Variants in CNTN1 observed in about 807,000 individuals in gnomAD.
CNTN1 encodes the protein contactin 1.
In CNTN1, 38 loss-of-function variants were observed where a neutral mutation model predicts 126.4. The ratio of observed to expected loss-of-function variants is 0.30; its 90% CI spans 0.23 to 0.39. The LOEUF (loss-of-function observed/expected upper bound fraction) is 0.39, where lower values mean the gene tolerates loss of function less well. Among genes scored for constraint, CNTN1 ranks in the 10% least tolerant of loss-of-function variants. The pLI, the probability that CNTN1 is intolerant of heterozygous loss-of-function variation, is 1.00. For missense variants in CNTN1, 1,009 were observed against 1,248.4 expected (o/e 0.81, Z 2.89); for synonymous variants, 413 against 422.6 (o/e 0.98, Z 0.28).
At chr12:40,908,633 G>GT in intron 2 of CNTN1, 140 bp downstream of exon 2, 1 of 587,144 alleles carries the variant, frequency 1.7e-6, no homozygotes, top group African/African-American at 1.9e-5. Flanking sequence ...TGTATCAAGG[G>GT]TGACCCTATT....
At chr12:41,036,316 G>T (rs1397801410) in intron 23 of CNTN1, among the ~76,000 whole-genome samples, 3 of 152,056 alleles carry the variant, frequency 2.0e-5, no homozygotes, top group African/African-American at 7.2e-5. Flanking sequence ...GATGCAGGAG[G>T]GCATTGAGAG....
At position 40,771,925 on chromosome 12, in the gene CNTN1, T is replaced by C. The variant is rs545068925; in HGVS notation, c.-77+79333T>C. 1.6e-4 allele frequency among the ~76,000 whole-genome samples: 25 copies of C among 152,128 alleles called. No homozygotes were observed. In the South Asian group the frequency reaches 5.0e-3, roughly 30 times the overall value. ...CGAGGGAAATACACACATAGCAATT[T>C]GGACAGAACACATGGCAAGTGGCAG... On this transcript the variant is annotated intron_variant, in intron 1 of 23. Transcript: ENST00000551295.
intron 1 of CNTN1, among the ~76,000 whole-genome samples, chr12:40,884,582 T>C (rs1207091301): frequency 1.3e-5 from 2 of 151,474 alleles, no homozygotes. Flanking sequence ...TATAGGAAAA[T>C]ATTAATCATT....
chr12:40,782,846 T>C (rs1018138838), intron 1 of CNTN1, among the ~76,000 whole-genome samples: 1 of 151,912 alleles, frequency 6.6e-6, no homozygotes, highest in Non-Finnish European at 1.5e-5. Context: ...TGACGAATTG[T>C]CTAGTTTTTC....
At chr12:41,057,472 A>C (rs1949851800) in intron 23 of CNTN1, among the ~76,000 whole-genome samples, 1 of 151,886 alleles carries the variant, frequency 6.6e-6, no homozygotes, top group African/African-American at 2.4e-5. Flanking sequence ...GCTCGGTGAA[A>C]TATTTTTGAT....
intron 1 of CNTN1, among the ~76,000 whole-genome samples, chr12:40,732,826 CT>C (rs537843181): frequency 6.6e-5 from 10 of 152,038 alleles, no homozygotes; most frequent in Non-Finnish European, 1.5e-4. Context: ...CAGTAGCATT[CT>C]TTGACATTTT....
chr12:40,823,294 G>T (rs570415185), intron 1 of CNTN1, among the ~76,000 whole-genome samples: 5 of 152,192 alleles, frequency 3.3e-5, no homozygotes, highest in South Asian at 2.1e-4. Context: ...TGTTATGTCT[G>T]TGGTTCTCAG....
chr12:40,984,163 T>C (rs1947895047), intron 16 of CNTN1, among the ~76,000 whole-genome samples: 1 of 151,544 alleles, frequency 6.6e-6, no homozygotes, highest in African/African-American at 2.4e-5. Flanking sequence ...AATAATCTTA[T>C]ATTAATATTA....
chr12:40,781,758 G>A (rs915619748), intron 1 of CNTN1, among the ~76,000 whole-genome samples: 1 of 151,942 alleles, frequency 6.6e-6, no homozygotes, highest in Non-Finnish European at 1.5e-5. Context: ...AATTGTTTCT[G>A]TGTGTACACT....
chr12:40,709,791 A>C (rs1358331005), intron 1 of CNTN1, among the ~76,000 whole-genome samples: 1 of 152,160 alleles, frequency 6.6e-6, no homozygotes, highest in African/African-American at 2.4e-5. Flanking sequence ...CATTCATACA[A>C]TGGAAGAGAG....
chr12:40,773,696 C>CACATATAT (rs1555155615), intron 1 of CNTN1, among the ~76,000 whole-genome samples: 17 of 19,912 alleles, frequency 8.5e-4, no homozygotes, highest in Admixed American at 1.5e-3. Flanking sequence ...TATATATACA[C>CACATATAT]ATATATATAT....
At position 41,035,128 on chromosome 12, in the gene CNTN1, G is replaced by T. The variant is rs186700449; in HGVS notation, c.2980+5909G>T. ...ATTTTCCCTAAGGTTTCCATTAGCT[G>T]CTACCAAGTTCTCACAACAACTTCA... On this transcript the variant is annotated intron_variant, in intron 23 of 23. Coordinates refer to ENST00000551295, the MANE Select transcript of CNTN1 (RefSeq NM_001843.4). 3.4e-3 allele frequency among the ~76,000 whole-genome samples: 524 copies of T among 152,248 alleles called. 2 individuals carry two copies. Among genetic ancestry groups the T allele is most frequent in the African/African-American group, 0.012 (488 of 41,544 alleles).
intron 23 of CNTN1, among the ~76,000 whole-genome samples, chr12:41,061,262 A>G (rs759786363): frequency 2.0e-5 from 3 of 152,206 alleles, no homozygotes; most frequent in Non-Finnish European, 4.4e-5. Context: ...AGTTGCTTTT[A>G]TATTTCCCAG....
intron 15 of CNTN1, chr12:40,971,516 G>C: frequency 6.3e-7 from 1 of 1,594,826 alleles, no homozygotes; most frequent in African/African-American, 1.3e-5. Context: ...CCTGGTGATC[G>C]TTGACACTCA....
intron 16 of CNTN1, among the ~76,000 whole-genome samples, chr12:40,982,738 G>A (rs1947852176): frequency 6.6e-6 from 1 of 152,096 alleles, no homozygotes; most frequent in Non-Finnish European, 1.5e-5. Flanking sequence ...TTATATTATA[G>A]TAGAAGAGAT....
At chr12:40,746,933 C>T (rs1380049841) in intron 1 of CNTN1, among the ~76,000 whole-genome samples, 1 of 152,160 alleles carries the variant, frequency 6.6e-6, no homozygotes, top group Middle Eastern at 3.4e-3. Context: ...CTGATGCTGG[C>T]TGTAACCAAT....
chr12:40,961,619 A>C (rs7979570), intron 15 of CNTN1, among the ~76,000 whole-genome samples: 88,716 of 151,648 alleles, frequency 0.59, 26,116 homozygotes, highest in Admixed American at 0.62. Flanking sequence ...GTGTATGTAC[A>C]TTTTCCTGGG....
rs572338182 is a variant in CNTN1 at position 41,054,562 on chromosome 12, A to G, written c.2981-15397A>G. 1.4e-4 allele frequency among the ~76,000 whole-genome samples: 22 copies of G among 152,160 alleles called. 1 individual carries two copies. In the South Asian group the frequency reaches 4.1e-3, roughly 29 times the overall value. ...TATAATTAACCTATTGATAATATAAACCAAAGCACTTATCACAGAACATAG... is the reference window on the plus strand; with the variant it reads ...TATAATTAACCTATTGATAATATAAGCCAAAGCACTTATCACAGAACATAG... On this transcript the variant is annotated intron_variant, in intron 23 of 23. Transcript: ENST00000551295.
chr12:40,934,910 T>C (rs993521126), intron 9 of CNTN1, among the ~76,000 whole-genome samples: 3 of 152,062 alleles, frequency 2.0e-5, no homozygotes, highest in Admixed American at 6.6e-5. Context: ...GGTCCCTCCC[T>C]TCTTCATGAT....
Sources: allele counts gnomAD v4.1 joint callset (sites outside exome capture counted in the v4.1 genomes callset), GRCh38; gene constraint gnomAD v4.1.1; transcripts MANE v1.5; gene names NCBI Gene and HGNC (gene_info 2026-07-23, HGNC 2026-07-21).